Variants in CLEC10A observed in about 807,000 individuals in gnomAD.
The protein encoded by CLEC10A is C-type lectin domain family 10 member A.
A neutral mutation model predicts 42.0 loss-of-function variants in CLEC10A; 38 were observed. That is an observed-to-expected ratio of 0.90 (90% confidence interval 0.70 to 1.18). The LOEUF (loss-of-function observed/expected upper bound fraction) is 1.18. Among genes scored for constraint, CLEC10A ranks in the 50% most tolerant of loss-of-function variants. The pLI is 0.00. For missense variants in CLEC10A, 298 were observed against 345.9 expected, an observed-to-expected ratio of 0.86 and a Z score of 1.10; for synonymous variants, 126 against 139.9, an observed-to-expected ratio of 0.90 and a Z score of 0.70.
In CLEC10A at chr17:7,075,386, A is replaced by G; in HGVS notation, c.675T>C (p.Asp225=). 6.6e-7 allele frequency: 1 copy of G among 1,520,566 alleles called. No homozygotes were observed. The highest frequency in any genetic ancestry group is 1.3e-5 in the South Asian group (1 of 74,498). 94.2% of individuals were successfully genotyped at this position (1,520,566 alleles called of 1,614,324 possible). A position where few individuals can be genotyped will look rare whatever the true frequency, so the allele number is the denominator to read the frequency against. Reference sequence around the variant, plus strand: ...GGAAGCCGGTCGCATAGTCTGTTCCATCCACCCACTTCCAGGCTCCTTCAG... The same window carrying G: ...GGAAGCCGGTCGCATAGTCTGTTCCGTCCACCCACTTCCAGGCTCCTTCAG... ...SDPEGAWKWV[D]GTDYATGFQN... The change falls in exon 8 of 9, where the codon GAT becomes GAC. Residue 225 remains aspartate (D), a synonymous_variant. Coordinates refer to ENST00000416562, the MANE Select transcript of CLEC10A (RefSeq NM_001330070.2).
rs775671103 is a variant in CLEC10A, at chr17:7,075,649, A to G, written c.594+82T>C. On this transcript the variant is annotated intron_variant, in intron 7 of 8. Transcript: ENST00000416562. ...TGACAGTCATTCTGGAAGCTCCCAG[A>G]TGATTCCAATGTGCGGCCAAGCTTA... The G allele has an allele frequency of 1.9e-6, 3 of 1,597,504 alleles. No homozygotes were observed. In the South Asian group the frequency reaches 3.3e-5, roughly 18 times the overall value.
In CLEC10A at chr17:7,078,746, C is replaced by A. The variant is rs751971871; in HGVS notation, c.67G>T (p.Gly23Trp). Residue 23 changes from glycine (G) to tryptophan (W), a missense_variant and splice_region_variant, in exon 2 of 9, where the codon GGG becomes TGG. Around this residue, in one of 3 missense-constraint regions of CLEC10A, gnomAD observed 27 missense variants for 37.0 expected, o/e 0.73. Transcript: ENST00000416562. ...AGGAGAGTTTCCCCTTTCCTCTTACCATTTTTAAACCCCTGGACTTTCACC... is the reference window on the plus strand; with the variant it reads ...AGGAGAGTTTCCCCTTTCCTCTTACAATTTTTAAACCCCTGGACTTTCACC... ...NKVKVQGFKNGPLPLQSLLQR... is the reference protein window; with the variant it reads ...NKVKVQGFKNWPLPLQSLLQR... The A allele has an allele frequency of 2.5e-6, 4 of 1,613,800 alleles. No individual in the cohort carries two copies. The highest frequency in any genetic ancestry group is 3.4e-6 in the Non-Finnish European group (4 of 1,179,786).
chr17:7,077,896 T>C (rs1403338735), intron 3 of CLEC10A, 101 bp downstream of exon 3: 1 of 872,028 alleles, frequency 1.1e-6, no homozygotes, highest in Non-Finnish European at 1.9e-6. Flanking sequence ...GCTCCTACTG[T>C]GGACCTCACC....
intron 1 of CLEC10A, among the ~76,000 whole-genome samples, chr17:7,079,822 C>T (rs903743426): frequency 9.2e-5 from 14 of 152,150 alleles, no homozygotes; most frequent in African/African-American, 2.9e-4. Flanking sequence ...GATTCTCCTG[C>T]CTCAGCTCCC....
At chr17:7,077,281 C>T (rs1408090856) in intron 3 of CLEC10A, among the ~76,000 whole-genome samples, 10 of 98,594 alleles carry the variant, frequency 1.0e-4, no homozygotes, top group African/African-American at 3.2e-4. Context: ...CCATCAGTGC[C>T]CCCCCACCAT....
intron 5 of CLEC10A, among the ~76,000 whole-genome samples, chr17:7,076,363 T>G (rs1911747496): frequency 6.9e-6 from 1 of 144,486 alleles, no homozygotes; most frequent in East Asian, 2.0e-4. Context: ...CAGGCTGGAG[T>G]GCAATGGCGC....
At chr17:7,076,313 T>C (rs1235115648) in intron 5 of CLEC10A, among the ~76,000 whole-genome samples, 6 of 144,748 alleles carry the variant, frequency 4.1e-5, no homozygotes, top group African/African-American at 1.3e-4. Context: ...CTTTCTTTTT[T>C]TTTTTTTTTT....
chr17:7,077,658 C>T (rs1911894753), intron 3 of CLEC10A, among the ~76,000 whole-genome samples: 1 of 131,734 alleles, frequency 7.6e-6, no homozygotes, highest in Non-Finnish European at 1.6e-5. Context: ...ATAAATCACT[C>T]CGTCTGTGCC....
chr17:7,078,533 GAGCATCAGA>G, intron 2 of CLEC10A: 1 of 590,244 alleles, frequency 1.7e-6, no homozygotes, highest in Non-Finnish European at 3.0e-6. Flanking sequence ...CCACCCCACA[GAGCATCAGA>G]AGCTGGGTCC....
chr17:7,078,940 G>T, intron 1 of CLEC10A, 55 bp from the exon 2 acceptor site: 1 of 813,026 alleles, frequency 1.2e-6, no homozygotes. Context: ...CTGACGTTGA[G>T]TTGGGAGATG....
intron 7 of CLEC10A, 78 bp downstream of exon 7, chr17:7,075,653 T>C (rs373819182): frequency 6.2e-7 from 1 of 1,604,636 alleles, no homozygotes; most frequent in South Asian, 1.1e-5. Context: ...TCCCAGATGA[T>C]TCCAATGTGC....
chr17:7,077,153 A>G (rs1036197143), intron 3 of CLEC10A, among the ~76,000 whole-genome samples, 166 bp from the exon 4 acceptor site: 2 of 152,058 alleles, frequency 1.3e-5, no homozygotes, highest in Non-Finnish European at 2.9e-5. Context: ...AGCCTCAGAG[A>G]GGTGAAGTAA....
rs376666860 is a variant in CLEC10A, at chr17:7,075,086, C to T, written c.838G>A (p.Gly280Ser). The T allele has an allele frequency of 1.8e-5, 28 of 1,593,796 alleles. No individual in the cohort carries two copies. In the African/African-American group the frequency reaches 3.3e-4, roughly 19 times the overall value. Reference protein sequence around the residue: ...QRPYHWVCEAGLGQTSQESH With the variant: ...QRPYHWVCEASLGQTSQESH Reference sequence around the variant, plus strand: ...CTCTCCTGGCTGGTCTGACCCAGGCCAGCCTCGCAGACCCAGTGGTAGGGC... The same window carrying T: ...CTCTCCTGGCTGGTCTGACCCAGGCTAGCCTCGCAGACCCAGTGGTAGGGC... Residue 280 changes from glycine (G) to serine (S), a missense_variant, in exon 9 of 9, where the codon GGC (glycine) becomes AGC (serine). Coordinates refer to ENST00000416562, the MANE Select transcript of CLEC10A (RefSeq NM_001330070.2).
rs2151682720 is a variant in CLEC10A at position 7,074,895 on chromosome 17, C to T, written c.*159G>A. The T allele has an allele frequency of 2.0e-6, 1 of 491,564 alleles. No individual in the cohort carries two copies. Among genetic ancestry groups the T allele is most frequent in the African/African-American group, 2.0e-5 (1 of 50,014 alleles). The allele number at this position is 491,564 out of a possible 1,614,324, so 30.5% of individuals were successfully genotyped here. On this transcript the variant is annotated 3_prime_UTR_variant, in exon 9 of 9. Coordinates refer to ENST00000416562, the MANE Select transcript of CLEC10A (RefSeq NM_001330070.2). ...AAATAAAAGCTTAAGAACACTATAC[C>T]ATCTTTTTAAAATTAAAGAGAAAAA...
At chr17:7,079,120 G>A (rs931977676) in intron 1 of CLEC10A, among the ~76,000 whole-genome samples, 15 of 152,234 alleles carry the variant, frequency 9.9e-5, no homozygotes, top group Non-Finnish European at 1.9e-4. Flanking sequence ...AGGACTGGAG[G>A]TTGTATCTCA....
chr17:7,076,183 T>TGGCGGGC, intron 5 of CLEC10A, 112 bp from the exon 6 acceptor site: 1 of 1,589,760 alleles, frequency 6.3e-7, no homozygotes, highest in Non-Finnish European at 8.6e-7. Context: ...GAATGTTCCT[T>TGGCGGGC]CCCGCCCCCA....
rs1205632640 is a variant in CLEC10A, at chr17:7,075,101, A to C, written c.823T>G (p.Trp275Gly). The stretch of plus-strand genomic sequence containing the variant: ...TGACCCAGGCCAGCCTCGCAGACCC[A>C]GTGGTAGGGCCTCTGGCAGACGTCG... ...NDDVCQRPYH[W>G]VCEAGLGQTS... Residue 275 changes from tryptophan to glycine, a missense_variant, in exon 9 of 9, where the codon TGG becomes GGG. Transcript: ENST00000416562. The C allele has an allele frequency of 6.2e-7, 1 of 1,603,604 alleles. No homozygotes were observed. Among genetic ancestry groups the C allele is most frequent in the Non-Finnish European group, 8.5e-7 (1 of 1,177,168 alleles).
At chr17:7,079,747 C>A (rs765230216) in intron 1 of CLEC10A, among the ~76,000 whole-genome samples, 1 of 151,812 alleles carries the variant, frequency 6.6e-6, no homozygotes, top group Non-Finnish European at 1.5e-5. Context: ...TCGTTCTTGT[C>A]GCCCAGGCTG....
At chr17:7,075,594 C>A in intron 7 of CLEC10A, 128 bp from the exon 8 acceptor site, 2 of 1,430,656 alleles carry the variant, frequency 1.4e-6, no homozygotes, top group Non-Finnish European at 9.8e-7. Context: ...GATGCTCAGG[C>A]CTATTAAATC....
Sources: allele counts gnomAD v4.1 joint callset (sites outside exome capture counted in the v4.1 genomes callset), GRCh38; gene constraint gnomAD v4.1.1; regional missense constraint gnomAD v4.1.1; transcripts MANE v1.5; gene names NCBI Gene and HGNC (gene_info 2026-07-23, HGNC 2026-07-21).